The following ERICH1 variants were observed in gnomAD, a reference collection of about 807,000 sequenced individuals.
ERICH1 encodes glutamate rich 1, also known as glutamate-rich protein 1.
Under a neutral mutation model 39.6 loss-of-function variants are expected in ERICH1, and 56 were observed. The observed-to-expected ratio is 1.41, with a 90% confidence interval of 1.14 to 1.77. The LOEUF (loss-of-function observed/expected upper bound fraction) is 1.77, where lower values mean the gene tolerates loss of function less well. Ranked by LOEUF, ERICH1 falls within the 40% of genes most tolerant of loss-of-function variation. The pLI is 0.00. For synonymous variants in ERICH1, 313 were observed against 223.6 expected, an observed-to-expected ratio of 1.40 and a Z score of -3.57; for missense variants, 826 against 575.4, an observed-to-expected ratio of 1.44 and a Z score of -4.45.
intron 3 of ERICH1, among the ~76,000 whole-genome samples, chr8:642,105 G>A (rs994302125): frequency 1.3e-5 from 2 of 152,116 alleles, no homozygotes; most frequent in African/African-American, 4.8e-5. Context: ...TTTCACTTTG[G>A]GTGAGCACAT....
At chr8:631,141 G>A (rs529007773) in intron 3 of ERICH1, among the ~76,000 whole-genome samples, 1 of 152,264 alleles carries the variant, frequency 6.6e-6, no homozygotes, top group Non-Finnish European at 1.5e-5. Flanking sequence ...ATGAGGCAGA[G>A]GTGACTCACA....
At chr8:616,689 CAG>C in intron 3 of ERICH1, 1 of 440,278 alleles carries the variant, frequency 2.3e-6, no homozygotes, top group South Asian at 1.6e-5. Context: ...GAGAGGAAGA[CAG>C]AGAGGGACAG....
chr8:720,497 C>A (rs972773361), intron 1 of ERICH1, among the ~76,000 whole-genome samples: 1 of 152,194 alleles, frequency 6.6e-6, no homozygotes, highest in Non-Finnish European at 1.5e-5. Context: ...GCAAACAATA[C>A]AATTTTAGTA....
At chr8:697,791 T>A (rs114005238) in intron 2 of ERICH1, among the ~76,000 whole-genome samples, 1,553 of 150,804 alleles carry the variant, frequency 0.01, 19 homozygotes, top group African/African-American at 0.036. Context: ...ATTCGGGACA[T>A]GCAGCAGCAG....
intron 3 of ERICH1, among the ~76,000 whole-genome samples, chr8:622,710 T>C (rs1332527918): frequency 2.0e-5 from 3 of 152,162 alleles, no homozygotes; most frequent in Non-Finnish European, 4.4e-5. Context: ...CCCAGAACTT[T>C]GGGAGGCTGA....
intron 3 of ERICH1, among the ~76,000 whole-genome samples, chr8:658,407 G>A (rs1477641631): frequency 6.6e-6 from 1 of 152,168 alleles, no homozygotes; most frequent in Non-Finnish European, 1.5e-5. Flanking sequence ...ACAAGGCCCC[G>A]AGTCCAGTCC....
chr8:690,973 G>A (rs370161177), intron 3 of ERICH1: 2 of 152,320 alleles, frequency 1.3e-5, no homozygotes, highest in African/African-American at 4.8e-5. Flanking sequence ...CACTGACCTT[G>A]GAGGGTCAGA....
chr8:645,456 G>A (rs1431273673), intron 3 of ERICH1, among the ~76,000 whole-genome samples: 2 of 68,682 alleles, frequency 2.9e-5, no homozygotes, highest in African/African-American at 7.3e-5. Context: ...GCTTGAAAAG[G>A]TAAATCTCTT....
intron 4 of ERICH1, among the ~76,000 whole-genome samples, chr8:670,572 G>A (rs891951236): frequency 1.3e-5 from 2 of 152,190 alleles, no homozygotes; most frequent in African/African-American, 4.8e-5. Context: ...GGGCTGCCCT[G>A]CTCTGCTGGG....
intron 1 of ERICH1, chr8:725,215 G>T: frequency 5.3e-6 from 1 of 188,966 alleles, no homozygotes; most frequent in East Asian, 1.7e-4. Context: ...TTCCGTGCCT[G>T]CTGTCCTCTC....
chr8:630,344 C>T (rs1797926675), intron 3 of ERICH1, among the ~76,000 whole-genome samples: 1 of 125,408 alleles, frequency 8.0e-6, no homozygotes, highest in Non-Finnish European at 1.8e-5. Flanking sequence ...CCCGTGAGCA[C>T]CCACATGGAC....
chr8:652,922 TTATCA>T (rs1207327090), intron 3 of ERICH1, among the ~76,000 whole-genome samples: 1 of 152,132 alleles, frequency 6.6e-6, no homozygotes, highest in East Asian at 1.9e-4. Context: ...ATCAGGATGA[TTATCA>T]TATATTTTTA....
intron 3 of ERICH1, among the ~76,000 whole-genome samples, chr8:630,352 GA>G (rs1318219206): frequency 8.7e-6 from 1 of 115,188 alleles, no homozygotes; most frequent in Non-Finnish European, 1.7e-5. Flanking sequence ...CACCCACATG[GA>G]CAGAGCTGAC....
At chr8:666,058 A>G (rs1399045008) in intron 5 of ERICH1, 3 of 152,252 alleles carry the variant, frequency 2.0e-5, no homozygotes, top group Non-Finnish European at 2.9e-5. Flanking sequence ...CACATATCCT[A>G]CAGAACTCAA....
At chr8:652,683 G>A (rs766775555) in intron 3 of ERICH1, among the ~76,000 whole-genome samples, 48 of 152,308 alleles carry the variant, frequency 3.2e-4, no homozygotes, top group Non-Finnish European at 5.7e-4. Flanking sequence ...GATGCCTCAG[G>A]CTCAGAGAAT....
chr8:695,372 C>G (rs1016761028), intron 2 of ERICH1, among the ~76,000 whole-genome samples: 1 of 152,076 alleles, frequency 6.6e-6, no homozygotes, highest in African/African-American at 2.4e-5. Context: ...CCACAGGTAC[C>G]TGCACACCAT....
At chr8:615,127 G>A (rs1321707570) in exon 4 of ERICH1, 2 of 606,856 alleles carry the variant, frequency 3.3e-6, no homozygotes, top group Non-Finnish European at 5.8e-6. Context: ...TGAGTCTTGG[G>A]CTCCCGGTCC....
chr8:724,434 C>T (rs527656379), intron 1 of ERICH1, among the ~76,000 whole-genome samples: 12 of 152,320 alleles, frequency 7.9e-5, no homozygotes, highest in East Asian at 5.8e-4. Context: ...CCTTCACGGG[C>T]GGCTGCAATA....
chr8:681,338 A>C (rs181850454), intron 3 of ERICH1, among the ~76,000 whole-genome samples: 166 of 152,336 alleles, frequency 1.1e-3, no homozygotes, highest in African/African-American at 3.8e-3. Context: ...CACGAGAAAA[A>C]CAACATCCTC....
Sources: gnomAD v4.1 joint callset for allele counts (sites outside exome capture counted in the v4.1 genomes callset) on GRCh38, gnomAD v4.1.1 for gene constraint, MANE v1.5 for transcripts, NCBI Gene and HGNC (gene_info 2026-07-23, HGNC 2026-07-21) for gene names.